The following TET2 variants were observed in gnomAD, a reference collection of about 807,000 sequenced individuals.
TET2 encodes the protein methylcytosine dioxygenase TET2.
Under a neutral mutation model 142.9 loss-of-function variants are expected in TET2, and 299 were observed. The observed-to-expected ratio is 2.09, with a 90% CI of 1.90 to 2.30. The LOEUF (loss-of-function observed/expected upper bound fraction) is 2.30, where lower values mean the gene tolerates loss of function less well. Among genes scored for constraint, TET2 ranks in the 30% most tolerant of loss-of-function variants. The probability of loss-of-function intolerance (pLI) is 0.00; values close to 1 mark genes in which losing one functional copy is unlikely to be tolerated. For missense variants in TET2, 2,418 were observed against 2,378.0 expected (o/e 1.02, Z -0.35); for synonymous variants, 819 against 849.0 (o/e 0.96, Z 0.61).
Position 105,272,677 on chromosome 4 carries a change from G to T in TET2, c.4296G>T (p.Val1432=). The T allele has an allele frequency of 6.4e-7, 1 of 1,551,704 alleles. No individual in the cohort carries two copies. The highest frequency in any genetic ancestry group is 8.7e-7 in the Non-Finnish European group (1 of 1,146,992). ...CTGACGTGGATGAGTTTGGGAGTGTGGAAGCTCAGGAGGAGAAAAAACGGA... is the reference window on the plus strand; with the variant it reads ...CTGACGTGGATGAGTTTGGGAGTGTTGAAGCTCAGGAGGAGAAAAAACGGA... ...KVSDVDEFGS[V]EAQEEKKRSG... is the part of the protein sequence containing the mutation. Residue 1432 remains valine, a synonymous_variant, in exon 10 of 11, where the codon GTG becomes GTT. Coordinates refer to ENST00000380013, the MANE Select transcript of TET2 (RefSeq NM_001127208.3).
At chr4:105,273,584 A>G (rs1288372397) in intron 10 of TET2, among the ~76,000 whole-genome samples, 4 of 152,206 alleles carry the variant, frequency 2.6e-5, no homozygotes, top group Non-Finnish European at 1.5e-5. Context: ...GTGACAAAAC[A>G]CTGGAATGAA....
chr4:105,148,715 T>A (rs1053661676), intron 1 of TET2, among the ~76,000 whole-genome samples: 7 of 152,324 alleles, frequency 4.6e-5, no homozygotes, highest in African/African-American at 1.7e-4. Flanking sequence ...GAATATAAAT[T>A]TAAACACAAT....
chr4:105,190,701 G>A (rs1045152909), intron 2 of TET2, 196 bp downstream of exon 2: 1 of 476,618 alleles, frequency 2.1e-6, no homozygotes, highest in African/African-American at 2.0e-5. Context: ...ACTGACTTAT[G>A]TATAGCTGTA....
At chr4:105,225,691 T>A (rs538145650) in intron 2 of TET2, among the ~76,000 whole-genome samples, 5 of 152,218 alleles carry the variant, frequency 3.3e-5, no homozygotes, top group African/African-American at 4.8e-5. Context: ...GTAGAGGATG[T>A]TTGCATCTTT....
At chr4:105,189,440 G>A (rs185814036) in intron 1 of TET2, among the ~76,000 whole-genome samples, 1 of 152,206 alleles carries the variant, frequency 6.6e-6, no homozygotes, top group East Asian at 1.9e-4. Flanking sequence ...TTTCAAATCG[G>A]TCTTTCCAAA....
In TET2 at chr4:105,174,532, TAGAA is replaced by T. The variant is rs1185489981; in HGVS notation, c.-192-15823_-192-15820del. Among the ~76,000 whole-genome samples the T allele has an allele frequency of 2.0e-5, 3 of 152,182 alleles. No homozygotes were observed. In the East Asian group the frequency reaches 5.8e-4, roughly 29 times the overall value. On this transcript the variant is annotated intron_variant, in intron 1 of 10. Transcript: ENST00000380013. ...AATATTAGAGAAGCAGACAGGTAGA[TAGAA>T]AGAATCACAACTTAGTGGGGCAAAA...
chr4:105,210,071 T>C (rs10022891), intron 2 of TET2, among the ~76,000 whole-genome samples: 13,463 of 152,220 alleles, frequency 0.088, 1,737 homozygotes, highest in African/African-American at 0.28. Context: ...ATAGTACCCC[T>C]CACACTGATG....
intron 8 of TET2, among the ~76,000 whole-genome samples, chr4:105,265,510 A>G (rs1246876744): frequency 6.6e-6 from 1 of 152,236 alleles, no homozygotes; most frequent in East Asian, 1.9e-4. Flanking sequence ...AACAGAATAA[A>G]GCTAACTAGA....
At chr4:105,195,005 G>T (rs1379933627) in intron 2 of TET2, among the ~76,000 whole-genome samples, 1 of 152,080 alleles carries the variant, frequency 6.6e-6, no homozygotes, top group Admixed American at 6.6e-5. Flanking sequence ...CCTTCTTGTG[G>T]CATTTATCTG....
intron 6 of TET2, among the ~76,000 whole-genome samples, chr4:105,252,476 A>G (rs1729918758): frequency 6.6e-6 from 1 of 152,188 alleles, no homozygotes; most frequent in South Asian, 2.1e-4. Flanking sequence ...AAGCTGTTAT[A>G]AAAGTATGTA....
At chr4:105,247,714 CTTTTT>C (rs1206510081) in intron 6 of TET2, among the ~76,000 whole-genome samples, 11 of 65,312 alleles carry the variant, frequency 1.7e-4, no homozygotes, top group African/African-American at 6.2e-4. Flanking sequence ...TTTTTCTTTT[CTTTTT>C]TTTTTTTTTT....
At chr4:105,214,707 GGAGGATTGAGT>G (rs1727389203) in intron 2 of TET2, among the ~76,000 whole-genome samples, 3 of 152,098 alleles carry the variant, frequency 2.0e-5, no homozygotes, top group South Asian at 4.2e-4. Flanking sequence ...TAAAAACTCA[GGAGGATTGAGT>G]CTGGGGAGCT....
At chr4:105,247,494 A>G (rs1449446757) in intron 6 of TET2, among the ~76,000 whole-genome samples, 2 of 152,188 alleles carry the variant, frequency 1.3e-5, no homozygotes, top group Admixed American at 1.3e-4. Context: ...CATTTAGAAG[A>G]TAAATTCTGT....
intron 6 of TET2, among the ~76,000 whole-genome samples, chr4:105,245,959 G>T (rs1192255143): frequency 2.6e-5 from 4 of 152,096 alleles, no homozygotes; most frequent in Non-Finnish European, 4.4e-5. Context: ...TCATTGTAAT[G>T]AATTTAATTT....
At chr4:105,225,645 A>G (rs1311991524) in intron 2 of TET2, among the ~76,000 whole-genome samples, 3 of 152,180 alleles carry the variant, frequency 2.0e-5, no homozygotes, top group Non-Finnish European at 2.9e-5. Flanking sequence ...GCACTTCAGT[A>G]GTCTCATTGC....
chr4:105,245,563 C>T lies in TET2; in HGVS notation c.3803+1785C>T, dbSNP rs540848400. Among the ~76,000 whole-genome samples, 11 of 152,250 alleles carry T rather than the reference C, an allele frequency of 7.2e-5. No individual in the cohort carries two copies. In the South Asian group the frequency reaches 8.3e-4, roughly 11 times the overall value. On this transcript the variant is annotated intron_variant, in intron 6 of 10. Transcript: ENST00000380013. The stretch of plus-strand genomic sequence containing the variant: ...CAGGCTGGTCTGGAACTCCTGACCT[C>T]GGGTGATCCGCCCGCCTCGGCCTCC...
chr4:105,237,865 T>C (rs1729051726), intron 3 of TET2: 1 of 1,069,150 alleles, frequency 9.4e-7, no homozygotes, highest in Non-Finnish European at 1.1e-6. Flanking sequence ...CTGACACTCT[T>C]AGTGCTCCTA....
intron 1 of TET2, among the ~76,000 whole-genome samples, chr4:105,159,251 C>CTTTTTT (rs779676545): frequency 2.2e-5 from 3 of 134,582 alleles, no homozygotes; most frequent in Non-Finnish European, 4.8e-5. Context: ...TTCTTTCTTT[C>CTTTTTT]TTTTTTTTTT....
At position 105,236,762 on chromosome 4, in the gene TET2, C is replaced by T; in HGVS notation, c.2820C>T (p.Thr940=). 1.2e-6 allele frequency: 2 copies of T among 1,614,020 alleles called. No individual in the cohort carries two copies. Among genetic ancestry groups the T allele is most frequent in the Non-Finnish European group, 1.7e-6 (2 of 1,179,978 alleles). ...ACCAGGGAGGAAGTCACACTCAGAC[C>T]CCTCCCCAGAAGGACACTCAAAAGC... is the stretch of plus-strand genomic sequence containing the variant. ...VPDQGGSHTQ[T]PPQKDTQKHA... is the part of the protein sequence containing the mutation. The change falls in exon 3 of 11, where the codon ACC becomes ACT. Residue 940 remains threonine, a synonymous_variant. Coordinates refer to ENST00000380013, the MANE Select transcript of TET2 (RefSeq NM_001127208.3).
Sources: allele counts gnomAD v4.1 joint callset (sites outside exome capture counted in the v4.1 genomes callset), GRCh38; gene constraint gnomAD v4.1.1; transcripts MANE v1.5; gene names NCBI Gene and HGNC (gene_info 2026-07-23, HGNC 2026-07-21).